PAPPA: variants seen among roughly 807,000 people sequenced by gnomAD.
PAPPA encodes pappalysin 1, also known as pappalysin-1.
PAPPA carries 60 observed loss-of-function variants against 164.0 expected under a neutral mutation model. That is an observed-to-expected ratio of 0.37 (90% CI 0.30 to 0.45). The LOEUF is 0.45. Ranked by LOEUF, PAPPA falls within the 20% of genes least tolerant of loss-of-function variation. The pLI is 1.00. For missense variants in PAPPA, 1,782 were observed against 2,087.3 expected, an observed-to-expected ratio of 0.85 and a Z score of 2.85; for synonymous variants, 875 against 814.1, an observed-to-expected ratio of 1.07 and a Z score of -1.27.
At chr9:116,382,365 C>G in intron 20 of PAPPA, 30 bp from the exon 21 acceptor site, 1 of 1,452,146 alleles carries the variant, frequency 6.9e-7, no homozygotes, top group Non-Finnish European at 9.7e-7. Context: ...CTAACAAGGC[C>G]TCATTTCCTC....
intron 3 of PAPPA, among the ~76,000 whole-genome samples, chr9:116,210,630 C>G (rs1432652812): frequency 6.6e-6 from 1 of 152,196 alleles, no homozygotes; most frequent in Non-Finnish European, 1.5e-5. Context: ...AGCACAAATA[C>G]TACCCATAAA....
chr9:116,160,728 A>C (rs1843656570), intron 1 of PAPPA, among the ~76,000 whole-genome samples: 1 of 152,072 alleles, frequency 6.6e-6, no homozygotes, highest in Non-Finnish European at 1.5e-5. Context: ...CCCTTTCCCT[A>C]AGGTTCTCCT....
chr9:116,240,324 A>G (rs1214662392), intron 7 of PAPPA, among the ~76,000 whole-genome samples: 2 of 152,210 alleles, frequency 1.3e-5, no homozygotes, highest in African/African-American at 4.8e-5. Context: ...CAGTATAATA[A>G]TATTCTGATG....
chr9:116,263,803 G>A (rs1392922124), intron 7 of PAPPA, among the ~76,000 whole-genome samples: 1 of 152,154 alleles, frequency 6.6e-6, no homozygotes, highest in Non-Finnish European at 1.5e-5. Flanking sequence ...CGCGACGAGA[G>A]GACAAAGTGG....
chr9:116,154,888 C>G lies in PAPPA; in HGVS notation c.415+301C>G, dbSNP rs1374232177. ...TTCCCGGAGCCTAGGGCACGTAACCCGTGCTCCGAATGGTCAGATGCACTC... is the reference window on the plus strand; with the variant it reads ...TTCCCGGAGCCTAGGGCACGTAACCGGTGCTCCGAATGGTCAGATGCACTC... On this transcript the variant is annotated intron_variant, in intron 1 of 21. Transcript: ENST00000328252. The surrounding 1 kb of genome is among the most constrained non-coding windows in gnomAD (Gnocchi z 5.2). Among the ~76,000 whole-genome samples the G allele has an allele frequency of 6.6e-6, 1 of 152,208 alleles. No homozygotes were observed. Among genetic ancestry groups the G allele is most frequent in the African/African-American group, 2.4e-5 (1 of 41,458 alleles).
intron 6 of PAPPA, 149 bp downstream of exon 6, chr9:116,227,701 C>G: frequency 1.2e-6 from 1 of 821,376 alleles, no homozygotes; most frequent in East Asian, 2.7e-5. Context: ...TAGTCAAGCG[C>G]TCATCCATTT....
At chr9:116,289,357 G>GCCATATATATAGCATATATATT (rs1564212428) in intron 9 of PAPPA, among the ~76,000 whole-genome samples, 2 of 108,510 alleles carry the variant, frequency 1.8e-5, no homozygotes, top group Admixed American at 9.4e-5. Context: ...GCATATATAT[G>GCCATATATATAGCATATATATT]GCATATATAT....
intron 4 of PAPPA, among the ~76,000 whole-genome samples, chr9:116,216,783 C>T (rs757629906): frequency 7.9e-5 from 12 of 152,010 alleles, no homozygotes; most frequent in Non-Finnish European, 1.5e-4. Flanking sequence ...ACTCTGTCGC[C>T]CAGGCTGGAG....
At chr9:116,289,151 T>TGC (rs1845387651) in intron 9 of PAPPA, among the ~76,000 whole-genome samples, 1 of 31,458 alleles carries the variant, frequency 3.2e-5, no homozygotes, top group Admixed American at 4.8e-4. Flanking sequence ...TATATATATA[T>TGC]ATATATATAG....
At chr9:116,227,962 T>C (rs778189703) in intron 6 of PAPPA, among the ~76,000 whole-genome samples, 10 of 152,192 alleles carry the variant, frequency 6.6e-5, no homozygotes, top group Non-Finnish European at 1.2e-4. Context: ...TTCTGTTATT[T>C]CTTAGACTAT....
chr9:116,334,911 C>T lies in PAPPA; in HGVS notation c.3448C>T (p.His1150Tyr). Residue 1150 changes from histidine to tyrosine, a missense_variant, in exon 13 of 22, where the codon CAT (histidine) becomes TAT (tyrosine). Around this residue, in one of 2 missense-constraint regions of PAPPA, gnomAD observed 1,324 missense variants for 1,656.9 expected, o/e 0.80. Coordinates refer to ENST00000328252, the MANE Select transcript of PAPPA (RefSeq NM_002581.5). Reference sequence around the variant, plus strand: ...CAATCCCCTGATTATCCCTGTGGTCCATGACCTCAGCCAGCCCTTCTACCA... The same window carrying T: ...CAATCCCCTGATTATCCCTGTGGTCTATGACCTCAGCCAGCCCTTCTACCA... ...RNNPLIIPVV[H>Y]DLSQPFYHSQ... The T allele has an allele frequency of 6.2e-7, 1 of 1,613,914 alleles. No individual in the cohort carries two copies. The highest frequency in any genetic ancestry group is 8.5e-7 in the Non-Finnish European group (1 of 1,179,922).
chr9:116,221,231 GA>G (rs1321607066), intron 5 of PAPPA, among the ~76,000 whole-genome samples: 1 of 152,130 alleles, frequency 6.6e-6, no homozygotes, highest in African/African-American at 2.4e-5. Context: ...AAGGGGACCA[GA>G]TTTAAAAGGG....
chr9:116,257,635 G>A (rs987760638), intron 7 of PAPPA, among the ~76,000 whole-genome samples: 36 of 152,120 alleles, frequency 2.4e-4, no homozygotes, highest in African/African-American at 8.7e-4. Flanking sequence ...CCCAGACGCG[G>A]AGCTTGCAGT....
At chr9:116,321,012 G>A (rs2118926948) in intron 10 of PAPPA, among the ~76,000 whole-genome samples, 1 of 152,114 alleles carries the variant, frequency 6.6e-6, no homozygotes, top group East Asian at 1.9e-4. Context: ...GACATGTAAA[G>A]TGGTATTGTT....
chr9:116,275,816 A>G (rs975380987), intron 9 of PAPPA, among the ~76,000 whole-genome samples: 3 of 152,102 alleles, frequency 2.0e-5, no homozygotes, highest in Non-Finnish European at 4.4e-5. Context: ...TGACAGATTT[A>G]TGGTGACATT....
rs968316161 is a variant in PAPPA, at chr9:116,181,528, A to G, written c.416-5626A>G. ...ATTTAATTACCTTTTCAAAGACTGT[A>G]TCTCCAAATACAGTTAAATTCCAAG... is the stretch of plus-strand genomic sequence containing the variant. On this transcript the variant is annotated intron_variant, in intron 1 of 21. Coordinates refer to ENST00000328252, the MANE Select transcript of PAPPA (RefSeq NM_002581.5). 2.0e-5 allele frequency among the ~76,000 whole-genome samples: 3 copies of G among 152,222 alleles called. No homozygotes were observed. In the South Asian group the frequency reaches 6.2e-4, roughly 31 times the overall value.
chr9:116,176,911 C>T (rs1843842693), intron 1 of PAPPA, among the ~76,000 whole-genome samples: 1 of 151,908 alleles, frequency 6.6e-6, no homozygotes, highest in African/African-American at 2.4e-5. Context: ...CTTTACTTCT[C>T]CAACAGTATT....
chr9:116,157,728 C>T (rs1015385982), intron 1 of PAPPA, among the ~76,000 whole-genome samples: 4 of 152,136 alleles, frequency 2.6e-5, no homozygotes, highest in African/African-American at 9.7e-5. Flanking sequence ...ACCATCACCT[C>T]TCACCCCACA....
At chr9:116,198,388 A>C (rs1238234491) in intron 2 of PAPPA, among the ~76,000 whole-genome samples, 1 of 152,190 alleles carries the variant, frequency 6.6e-6, no homozygotes, top group Non-Finnish European at 1.5e-5. Context: ...CCCCAAGAGA[A>C]GATCTTAGGG....
Sources: allele counts gnomAD v4.1 joint callset (sites outside exome capture counted in the v4.1 genomes callset), GRCh38; gene constraint gnomAD v4.1.1; regional missense constraint gnomAD v4.1.1; non-coding constraint Gnocchi (gnomAD v3.1); transcripts MANE v1.5; gene names NCBI Gene and HGNC (gene_info 2026-07-23, HGNC 2026-07-21).